DGKB: variants seen among roughly 807,000 people sequenced by gnomAD.
DGKB encodes the protein 90 kDa diacylglycerol kinase.
In DGKB, 67 loss-of-function variants were observed where a neutral mutation model predicts 114.3. That is an observed-to-expected ratio of 0.59 (90% CI 0.48 to 0.72). The LOEUF (loss-of-function observed/expected upper bound fraction) is 0.72, where lower values mean the gene tolerates loss of function less well. Ranked by LOEUF, DGKB falls within the 30% of genes least tolerant of loss-of-function variation. The pLI, the probability that DGKB is intolerant of heterozygous loss-of-function variation, is 0.00. For synonymous variants in DGKB, 398 were observed against 323.1 expected, an observed-to-expected ratio of 1.23 and a Z score of -2.49; for missense variants, 907 against 975.2, an observed-to-expected ratio of 0.93 and a Z score of 0.93.
At chr7:14,608,479 A>G (rs1219012792) in intron 16 of DGKB, among the ~76,000 whole-genome samples, 1 of 152,116 alleles carries the variant, frequency 6.6e-6, no homozygotes, top group Admixed American at 6.6e-5. Context: ...CACAGCCAAC[A>G]GCACACTGAA....
At chr7:14,648,469 G>C (rs1585331451) in intron 13 of DGKB, among the ~76,000 whole-genome samples, 1 of 151,398 alleles carries the variant, frequency 6.6e-6, no homozygotes, top group Admixed American at 6.6e-5. Context: ...AAACAGAAAG[G>C]ACATCCACAC....
intron 21 of DGKB, among the ~76,000 whole-genome samples, chr7:14,429,920 C>A (rs1309151193): frequency 3.0e-5 from 1 of 33,166 alleles, no homozygotes; most frequent in Non-Finnish European, 8.4e-5. Context: ...GAGTGAGACT[C>A]TGTCCCCCCC....
At chr7:14,218,750 T>A (rs1050452803) in intron 23 of DGKB, among the ~76,000 whole-genome samples, 12 of 152,122 alleles carry the variant, frequency 7.9e-5, no homozygotes, top group Admixed American at 5.9e-4. Context: ...ATAGCTTTAT[T>A]GAAATGTAAT....
intron 2 of DGKB, among the ~76,000 whole-genome samples, chr7:14,777,313 A>G (rs563064221): frequency 6.6e-6 from 1 of 152,258 alleles, no homozygotes; most frequent in South Asian, 2.1e-4. Flanking sequence ...ACTGTTGGGA[A>G]GGCATGGTTG....
At chr7:14,873,672 T>C (rs1852819442) in intron 1 of DGKB, among the ~76,000 whole-genome samples, 1 of 151,948 alleles carries the variant, frequency 6.6e-6, no homozygotes, top group African/African-American at 2.4e-5. Context: ...TACATATGTA[T>C]GCACATTTTT....
intron 1 of DGKB, among the ~76,000 whole-genome samples, chr7:14,934,961 G>A (rs1056136739): frequency 6.6e-6 from 1 of 152,174 alleles, no homozygotes; most frequent in South Asian, 2.1e-4. Context: ...GTTACATTTA[G>A]AGGCTCCTGG....
At chr7:14,694,606 T>A (rs1035417914) in intron 8 of DGKB, among the ~76,000 whole-genome samples, 2 of 152,192 alleles carry the variant, frequency 1.3e-5, no homozygotes, top group African/African-American at 4.8e-5. Context: ...GGCGAAGGAA[T>A]TTAGTTGCTT....
rs555484919 is a variant in DGKB at position 14,637,518 on chromosome 7, TTA to T, written c.1135-7252_1135-7251del. 5.3e-5 allele frequency among the ~76,000 whole-genome samples: 8 copies of T among 151,388 alleles called. No individual in the cohort carries two copies. The South Asian group carries it at 8.3e-4, about 16-fold the overall frequency. ...TACAAGAATGTTTAACTCTATAAGATTATATATATATGTGTGTATATATATAT... is the reference window on the plus strand; with the variant it reads ...TACAAGAATGTTTAACTCTATAAGATTATATATATGTGTGTATATATATAT... On this transcript the variant is annotated intron_variant, in intron 13 of 25. Transcript: ENST00000402815.
rs539939811 is a variant in DGKB, at chr7:14,879,307, A to G, written c.-188+23285T>C. On this transcript the variant is annotated intron_variant, in intron 1 of 25. Transcript: ENST00000402815. Reference sequence around the variant, plus strand: ...CAGTCTATCTAAAAAAATATTTAATATGGTAAACTTCCATGCTTTGCATTC... The same window carrying G: ...CAGTCTATCTAAAAAAATATTTAATGTGGTAAACTTCCATGCTTTGCATTC... 2.1e-4 allele frequency among the ~76,000 whole-genome samples: 31 copies of G among 149,828 alleles called. No homozygotes were observed. In the South Asian group the frequency reaches 5.4e-3, roughly 26 times the overall value.
chr7:14,580,210 A>T (rs950671347), intron 19 of DGKB, among the ~76,000 whole-genome samples: 17 of 152,172 alleles, frequency 1.1e-4, no homozygotes, highest in Non-Finnish European at 1.5e-4. Flanking sequence ...TATGAAGTTC[A>T]CACCCAGCTT....
Position 14,387,606 on chromosome 7 carries a change from G to A in DGKB, c.1836-42215C>T, listed in dbSNP as rs76217209. ...TGTTTTGTTTGTTTTCTGTAGAGAC[G>A]GGGTCTCACTATGTTGCCCATCCTG... On this transcript the variant is annotated intron_variant, in intron 21 of 25. Coordinates refer to ENST00000402815, the MANE Select transcript of DGKB (RefSeq NM_001350709.2). Among the ~76,000 whole-genome samples the A allele has an allele frequency of 3.4e-3, 514 of 151,902 alleles. 10 individuals carry two copies. The highest frequency in any genetic ancestry group is 0.027 in the Admixed American group (405 of 15,236).
intron 4 of DGKB, among the ~76,000 whole-genome samples, chr7:14,743,505 C>T (rs1188153246): frequency 3.3e-5 from 5 of 152,156 alleles, no homozygotes; most frequent in Non-Finnish European, 7.4e-5. Flanking sequence ...TCAAGGTTGT[C>T]TTTCCTGACC....
chr7:14,333,288 T>G (rs974758426), intron 23 of DGKB, among the ~76,000 whole-genome samples: 15 of 151,696 alleles, frequency 9.9e-5, no homozygotes, highest in Admixed American at 5.9e-4. Flanking sequence ...GAAATACCCC[T>G]CTACTAAAAA....
chr7:14,766,728 T>C (rs1289564154), intron 2 of DGKB, among the ~76,000 whole-genome samples: 1 of 151,800 alleles, frequency 6.6e-6, no homozygotes, highest in Admixed American at 6.6e-5. Context: ...ATAGATAAGA[T>C]AGCAAGGACT....
At chr7:14,202,454 C>G (rs1461813253) in intron 23 of DGKB, among the ~76,000 whole-genome samples, 2 of 151,986 alleles carry the variant, frequency 1.3e-5, no homozygotes, top group Non-Finnish European at 2.9e-5. Flanking sequence ...TACTTAGCCA[C>G]ACTGTTGAAA....
At chr7:14,185,077 G>A (rs1351216171) in intron 23 of DGKB, among the ~76,000 whole-genome samples, 2 of 152,128 alleles carry the variant, frequency 1.3e-5, no homozygotes, top group African/African-American at 4.8e-5. Context: ...TAAAGAGGAA[G>A]TAAAACTGTC....
rs534294898 is a variant in DGKB at position 14,677,876 on chromosome 7, A to G, written c.1035+4677T>C. On this transcript the variant is annotated intron_variant, in intron 12 of 25. Coordinates refer to ENST00000402815, the MANE Select transcript of DGKB (RefSeq NM_001350709.2). Reference sequence around the variant, plus strand: ...CTTTCCTAAGCTTTTCGTATTTTTAATTTTGAAGTGGCTAGATTTACAAAT... The same window carrying G: ...CTTTCCTAAGCTTTTCGTATTTTTAGTTTTGAAGTGGCTAGATTTACAAAT... Among the ~76,000 whole-genome samples the G allele has an allele frequency of 7.9e-4, 120 of 152,136 alleles. 1 individual carries two copies. Among genetic ancestry groups the G allele is most frequent in the African/African-American group, 2.7e-3 (114 of 41,544 alleles).
chr7:14,154,994 T>C (rs1026232447), intron 25 of DGKB, among the ~76,000 whole-genome samples: 6 of 152,084 alleles, frequency 3.9e-5, no homozygotes, highest in Non-Finnish European at 7.4e-5. Flanking sequence ...CTGACATCAT[T>C]GTTAGAAATG....
intron 23 of DGKB, among the ~76,000 whole-genome samples, chr7:14,273,522 T>C (rs553002116): frequency 6.2e-4 from 95 of 152,336 alleles, no homozygotes; most frequent in Non-Finnish European, 1.2e-3. Flanking sequence ...GATATTTATA[T>C]CAAGTACTGT....
Sources: gnomAD v4.1 joint callset for allele counts (sites outside exome capture counted in the v4.1 genomes callset) on GRCh38, gnomAD v4.1.1 for gene constraint, MANE v1.5 for transcripts, NCBI Gene and HGNC (gene_info 2026-07-23, HGNC 2026-07-21) for gene names.